MVB12B: variants seen among roughly 807,000 people sequenced by gnomAD.
The protein encoded by MVB12B is ESCRT-I complex subunit MVB12B.
Under a neutral mutation model 41.6 loss-of-function variants are expected in MVB12B, and 16 were observed. The ratio of observed to expected loss-of-function variants is 0.38; its 90% CI spans 0.26 to 0.58. MVB12B has a LOEUF of 0.58. Ranked by LOEUF, MVB12B falls within the 20% of genes least tolerant of loss-of-function variation. The pLI is 0.62. For missense variants in MVB12B, 274 were observed against 380.2 expected (o/e 0.72, Z 2.32); for synonymous variants, 133 against 139.7 (o/e 0.95, Z 0.34).
At position 126,436,679 on chromosome 9, in the gene MVB12B, G is replaced by T. The variant is rs558021711; in HGVS notation, c.757+14731G>T. Among the ~76,000 whole-genome samples, 1 of 152,150 alleles carries T rather than the reference G, an allele frequency of 6.6e-6. No homozygotes were observed. Among genetic ancestry groups the T allele is most frequent in the Non-Finnish European group, 1.5e-5 (1 of 68,040 alleles). On this transcript the variant is annotated intron_variant, in intron 7 of 9. Coordinates refer to ENST00000361171, the MANE Select transcript of MVB12B (RefSeq NM_033446.3). The surrounding 1 kb of genome is among the most constrained non-coding windows in gnomAD (Gnocchi z 4.1). ...CTTTAAGGTCTGGTTCCTTAAATCC[G>T]TAGTGGCTCAGCATATAGTCCTTTG...
intron 2 of MVB12B, among the ~76,000 whole-genome samples, chr9:126,356,278 A>T (rs1001800017): frequency 6.6e-6 from 1 of 152,166 alleles, no homozygotes; most frequent in Non-Finnish European, 1.5e-5. Context: ...ATTTGAAGGG[A>T]TTCGACATAT....
At chr9:126,350,546 G>A (rs72758747) in intron 2 of MVB12B, among the ~76,000 whole-genome samples, 1 of 152,320 alleles carries the variant, frequency 6.6e-6, no homozygotes, top group Non-Finnish European at 1.5e-5. Flanking sequence ...CATCTGGTGA[G>A]GGCCTTCTTG....
chr9:126,453,087 G>A (rs566354193), intron 7 of MVB12B, among the ~76,000 whole-genome samples: 10 of 152,020 alleles, frequency 6.6e-5, no homozygotes, highest in East Asian at 1.9e-4. Context: ...CCTGCCTCCC[G>A]GGATTGTGGT....
chr9:126,456,681 C>T (rs959589228), intron 7 of MVB12B, among the ~76,000 whole-genome samples: 7 of 152,282 alleles, frequency 4.6e-5, no homozygotes, highest in African/African-American at 7.2e-5. Context: ...CCACCTTGAA[C>T]GCGCAGCTTC....
intron 7 of MVB12B, among the ~76,000 whole-genome samples, chr9:126,438,883 A>G (rs1007795877): frequency 2.0e-5 from 3 of 151,706 alleles, no homozygotes; most frequent in African/African-American, 7.3e-5. Context: ...TAGACTTGGG[A>G]CTTATCTTTC....
rs1830497930 is a variant in MVB12B, at chr9:126,376,979, G to A, written c.205-4085G>A. On this transcript the variant is annotated intron_variant, in intron 2 of 9. Coordinates refer to ENST00000361171, the MANE Select transcript of MVB12B (RefSeq NM_033446.3). This position sits in a 1 kb window ranked among gnomAD's most constrained non-coding sequence, Gnocchi z 4.1. Reference sequence around the variant, plus strand: ...GGCTCTGCTCAGTATCGGCTGCCACGGGCCCCTTAGGTCACAACCCGCCCC... The same window carrying A: ...GGCTCTGCTCAGTATCGGCTGCCACAGGCCCCTTAGGTCACAACCCGCCCC... Among the ~76,000 whole-genome samples the A allele has an allele frequency of 6.8e-6, 1 of 146,076 alleles. No homozygotes were observed. The highest frequency in any genetic ancestry group is 2.6e-5 in the African/African-American group (1 of 39,046).
intron 6 of MVB12B, among the ~76,000 whole-genome samples, chr9:126,397,808 A>G (rs1245794710): frequency 1.3e-5 from 2 of 152,142 alleles, no homozygotes; most frequent in East Asian, 3.9e-4. Context: ...TTGAAGACCT[A>G]GGAAAGGATG....
intron 7 of MVB12B, among the ~76,000 whole-genome samples, chr9:126,456,112 A>G (rs966094196): frequency 6.6e-6 from 1 of 151,876 alleles, no homozygotes; most frequent in Non-Finnish European, 1.5e-5. Flanking sequence ...GCTGGTCTCA[A>G]ACTCCTGACC....
At position 126,381,281 on chromosome 9, in the gene MVB12B, A is replaced by G. The variant is rs920898315; in HGVS notation, c.312+110A>G. ...GTGGTTTATTTTCATTGCCATATTA[A>G]TTTATCTGTGGTTTTAGTGAACTGG... On this transcript the variant is annotated intron_variant, in intron 3 of 9. Coordinates refer to ENST00000361171, the MANE Select transcript of MVB12B (RefSeq NM_033446.3). 23 of 767,838 alleles carry G rather than the reference A, an allele frequency of 3.0e-5. 1 individual carries two copies. The highest frequency in any genetic ancestry group is 6.4e-5 in the Admixed American group (3 of 46,884). 47.6% of individuals were successfully genotyped at this position (767,838 alleles called of 1,614,324 possible).
At position 126,504,817 on chromosome 9, in the gene MVB12B, GGGGTGGCCTTCTCAGGACTCCT is replaced by G. The variant is rs1198510833; in HGVS notation, c.*1562_*1583del. The G allele has an allele frequency of 6.6e-6, 1 of 152,530 alleles. No individual in the cohort carries two copies. The highest frequency in any genetic ancestry group is 1.5e-5 in the Non-Finnish European group (1 of 68,114). The allele number at this position is 152,530 out of a possible 1,614,324, so 9.4% of individuals were successfully genotyped here. On this transcript the variant is annotated 3_prime_UTR_variant, in exon 10 of 10. Coordinates refer to ENST00000361171, the MANE Select transcript of MVB12B (RefSeq NM_033446.3). ...CTGAGACCCGAGGATGCCCCTGGTG[GGGGTGGCCTTCTCAGGACTCCT>G]GGGTGGCACAGCAGCAGGACCTTGT...
intron 7 of MVB12B, among the ~76,000 whole-genome samples, chr9:126,425,119 C>T (rs967499310): frequency 4.6e-5 from 7 of 152,052 alleles, no homozygotes; most frequent in Admixed American, 1.3e-4. Flanking sequence ...TTAACAATTA[C>T]ATTCTAAGCT....
At chr9:126,396,554 G>C in intron 6 of MVB12B, 1 of 985,474 alleles carries the variant, frequency 1.0e-6, no homozygotes, top group Non-Finnish European at 1.2e-6. Context: ...AGGTCTTCCT[G>C]GGCCATCCAC....
intron 3 of MVB12B, among the ~76,000 whole-genome samples, chr9:126,382,351 G>T (rs941831070): frequency 6.6e-6 from 1 of 152,176 alleles, no homozygotes; most frequent in African/African-American, 2.4e-5. Context: ...AACATATACA[G>T]GACTGGGAGA....
chr9:126,488,791 G>A (rs2119217585), intron 9 of MVB12B, among the ~76,000 whole-genome samples: 1 of 152,326 alleles, frequency 6.6e-6, no homozygotes, highest in Non-Finnish European at 1.5e-5. Flanking sequence ...CCTCCTGCCA[G>A]CGTTAACTGT....
At chr9:126,363,633 C>T (rs913869024) in intron 2 of MVB12B, among the ~76,000 whole-genome samples, 1 of 152,186 alleles carries the variant, frequency 6.6e-6, no homozygotes, top group Non-Finnish European at 1.5e-5. Flanking sequence ...CAGGCAAATT[C>T]GTTGTTTTAC....
chr9:126,429,294 A>G (rs1353854800), intron 7 of MVB12B, among the ~76,000 whole-genome samples: 2 of 152,202 alleles, frequency 1.3e-5, no homozygotes, highest in Non-Finnish European at 2.9e-5. Context: ...GAAGAAATGA[A>G]TGGGAGCGGA....
At position 126,478,083 on chromosome 9, in the gene MVB12B, A is replaced by T. The variant is rs527664667; in HGVS notation, c.758-3286A>T. On this transcript the variant is annotated intron_variant, in intron 7 of 9. Coordinates refer to ENST00000361171, the MANE Select transcript of MVB12B (RefSeq NM_033446.3). This position sits in a 1 kb window ranked among gnomAD's most constrained non-coding sequence, Gnocchi z 4.2. The stretch of plus-strand genomic sequence containing the variant: ...AGCGATGGAAATATTTTGGAACTAG[A>T]TGGAGGTGATGATCGCACACCATTG... 6.6e-6 allele frequency among the ~76,000 whole-genome samples: 1 copy of T among 152,212 alleles called. No homozygotes were observed. Among genetic ancestry groups the T allele is most frequent in the Non-Finnish European group, 1.5e-5 (1 of 68,040 alleles).
At chr9:126,452,964 A>T (rs906866527) in intron 7 of MVB12B, among the ~76,000 whole-genome samples, 3 of 151,918 alleles carry the variant, frequency 2.0e-5, no homozygotes, top group Non-Finnish European at 2.9e-5. Context: ...CTGTAGGACA[A>T]TGAGGTTTAA....
chr9:126,384,097 A>G (rs1428015868), intron 3 of MVB12B, among the ~76,000 whole-genome samples: 1 of 152,242 alleles, frequency 6.6e-6, no homozygotes, highest in South Asian at 2.1e-4. Flanking sequence ...AGCAACTGCC[A>G]TGAAAAAAAA....
Sources: allele counts gnomAD v4.1 joint callset (sites outside exome capture counted in the v4.1 genomes callset), GRCh38; gene constraint gnomAD v4.1.1; non-coding constraint Gnocchi (gnomAD v3.1); transcripts MANE v1.5; gene names NCBI Gene and HGNC (gene_info 2026-07-23, HGNC 2026-07-21).